The following VSIG1 variants were observed in gnomAD, a reference collection of about 807,000 sequenced individuals.
VSIG1 encodes the protein V-set and immunoglobulin domain-containing protein 1.
In VSIG1, 11 loss-of-function variants were observed where a neutral mutation model predicts 20.1. That is an observed-to-expected ratio of 0.55 (90% CI 0.34 to 0.91). The LOEUF (loss-of-function observed/expected upper bound fraction) is 0.91, where lower values mean the gene tolerates loss of function less well. Among genes scored for constraint, VSIG1 ranks in the 40% least tolerant of loss-of-function variants. The pLI, the probability that VSIG1 is intolerant of heterozygous loss-of-function variation, is 0.02. For missense variants in VSIG1, 283 were observed against 298.8 expected, an observed-to-expected ratio of 0.95 and a Z score of 0.39; for synonymous variants, 126 against 116.7, an observed-to-expected ratio of 1.08 and a Z score of -0.52.
At chrX:108,062,474 CT>C (rs1180651292) in intron 2 of VSIG1, among the ~76,000 whole-genome samples, 1 of 111,803 alleles carries the variant, frequency 8.9e-6, no homozygotes, top group Non-Finnish European at 1.9e-5. Context: ...GTCCCATTCA[CT>C]TTCTGCTAAA....
the VSIG1 span, among the ~76,000 whole-genome samples, chrX:108,021,283 A>G: frequency 1.8e-5 from 2 of 111,022 alleles, no homozygotes; most frequent in African/African-American, 6.6e-5. Flanking sequence ...CTCATATTTG[A>G]GTTCTGGGAT....
At chrX:108,039,183 T>C in the VSIG1 span, among the ~76,000 whole-genome samples, 1 of 110,908 alleles carries the variant, frequency 9.0e-6, no homozygotes, top group Non-Finnish European at 1.9e-5. Context: ...TGTTTGTTCG[T>C]TTGTTATTGT....
chrX:108,072,897 G>T (rs918287350), intron 4 of VSIG1, 65 bp downstream of exon 4: 30 of 1,103,145 alleles, frequency 2.7e-5, no homozygotes, highest in Middle Eastern at 2.6e-4. Context: ...CAGCAGGAGT[G>T]TGTGGTTGGC....
At chrX:108,049,831 A>C (rs1418378063) in intron 1 of VSIG1, among the ~76,000 whole-genome samples, 4 of 111,960 alleles carry the variant, frequency 3.6e-5, no homozygotes, top group African/African-American at 1.3e-4. Context: ...GAGAAATGAA[A>C]TGGGCTCTTT....
At chrX:108,020,807 T>C in the VSIG1 span, among the ~76,000 whole-genome samples, 2 of 111,550 alleles carry the variant, frequency 1.8e-5, no homozygotes, top group South Asian at 3.8e-4. Context: ...ATGGGGAAGG[T>C]CCCAAATAGG....
At chrX:108,060,543 G>A (rs893974875) in intron 2 of VSIG1, among the ~76,000 whole-genome samples, 4 of 111,180 alleles carry the variant, frequency 3.6e-5, no homozygotes, top group African/African-American at 9.8e-5. Flanking sequence ...CTAAAGAACC[G>A]GAGTCCTTCC....
the VSIG1 span, among the ~76,000 whole-genome samples, chrX:108,036,000 C>T: frequency 2.0e-5 from 2 of 102,501 alleles, no homozygotes; most frequent in Non-Finnish European, 4.0e-5. Flanking sequence ...CTAACACTTC[C>T]TTTATATGAT....
intron 1 of VSIG1, among the ~76,000 whole-genome samples, chrX:108,054,487 A>G (rs1177515247): frequency 1.8e-5 from 2 of 111,748 alleles, no homozygotes; most frequent in East Asian, 2.8e-4. Flanking sequence ...ATCTCTTTGT[A>G]TAGAAAACTC....
At chrX:108,039,979 A>T (rs1428984242), upstream of VSIG1, among the ~76,000 whole-genome samples, 1 of 111,290 alleles carries the variant, frequency 9.0e-6, no homozygotes, top group African/African-American at 3.3e-5. Context: ...GGATTGGGGA[A>T]GACTTGCCTA....
rs2030545436 is a variant in VSIG1, at chrX:108,045,171, G to C, written c.41G>C (p.Cys14Ser). Reference sequence around the variant, plus strand: ...TGGAAGGTCTTTCTGATCCTAAGCTGCCTTGCAGGTAAGGAAAGGATCTCC... The same window carrying C: ...TGGAAGGTCTTTCTGATCCTAAGCTCCCTTGCAGGTAAGGAAAGGATCTCC... Reference protein sequence around the residue: ...AFWKVFLILSCLAGQVSVVQV... With the variant: ...AFWKVFLILSSLAGQVSVVQV... The change falls in exon 1 of 7, where the codon TGC becomes TCC. Residue 14 changes from cysteine to serine, a missense_variant. Cys to Ser is a moderately radical substitution (Grantham distance 112). Coordinates refer to ENST00000217957, the MANE Select transcript of VSIG1 (RefSeq NM_182607.5). 1 of 1,188,422 alleles carries C rather than the reference G, an allele frequency of 8.4e-7. No homozygotes were observed.
the VSIG1 span, among the ~76,000 whole-genome samples, chrX:108,023,664 A>G: frequency 0.14 from 15,009 of 111,170 alleles, 1,501 homozygotes; most frequent in African/African-American, 0.35. Flanking sequence ...TGACCAAATG[A>G]CAACAGACAG....
At chrX:108,075,065 G>A (rs965078046) in intron 5 of VSIG1, among the ~76,000 whole-genome samples, 5 of 111,862 alleles carry the variant, frequency 4.5e-5, no homozygotes, top group African/African-American at 1.6e-4. Flanking sequence ...CCTCAGCTGT[G>A]AACAATATTT....
the VSIG1 span, among the ~76,000 whole-genome samples, chrX:108,020,837 A>C: frequency 1.8e-5 from 2 of 111,636 alleles, no homozygotes; most frequent in Non-Finnish European, 3.8e-5. Context: ...TAGTATGGGA[A>C]GACTGGTCAG....
chrX:108,047,782 C>A (rs1229212603), intron 1 of VSIG1, among the ~76,000 whole-genome samples: 6 of 66,176 alleles, frequency 9.1e-5, no homozygotes, highest in African/African-American at 1.3e-4. Flanking sequence ...CTCTCTCTCT[C>A]TCTCTCTCTA....
the VSIG1 span, among the ~76,000 whole-genome samples, chrX:108,030,907 C>T: frequency 1.4e-4 from 16 of 111,967 alleles, no homozygotes; most frequent in African/African-American, 4.9e-4. Context: ...GAAAAAAAGG[C>T]AAACAAGAGG....
intron 2 of VSIG1, chrX:108,064,846 T>G (rs942039373): frequency 8.3e-6 from 5 of 605,769 alleles, no homozygotes; most frequent in Non-Finnish European, 9.9e-6. Context: ...CCATGCTGCC[T>G]AGTGAAATTG....
the VSIG1 span, among the ~76,000 whole-genome samples, chrX:108,037,003 G>A: frequency 3.3e-4 from 37 of 111,764 alleles, no homozygotes; most frequent in Middle Eastern, 4.6e-3. Context: ...TGCAGGTTTG[G>A]AGAGACAGAG....
intron 1 of VSIG1, 99 bp downstream of exon 1, chrX:108,045,278 C>A: frequency 1.5e-6 from 1 of 672,935 alleles, no homozygotes; most frequent in Non-Finnish European, 2.1e-6. Context: ...ATCTCCTGTA[C>A]TTCAAATGAA....
chrX:108,043,711 G>A (rs2030516413), upstream of VSIG1, among the ~76,000 whole-genome samples: 1 of 111,848 alleles, frequency 8.9e-6, no homozygotes, highest in Admixed American at 9.5e-5. Flanking sequence ...GAGGAATCAG[G>A]CATGATGGAA....
Sources: gnomAD v4.1 joint callset for allele counts (sites outside exome capture counted in the v4.1 genomes callset) on GRCh38, gnomAD v4.1.1 for gene constraint, MANE v1.5 for transcripts, NCBI Gene and HGNC (gene_info 2026-07-23, HGNC 2026-07-21) for gene names.